RPE65: variants seen among roughly 807,000 people sequenced by gnomAD.
The protein encoded by RPE65 is retinoid isomerohydrolase.
RPE65 carries 58 observed loss-of-function variants against 68.5 expected under a neutral mutation model. The observed-to-expected ratio is 0.85, with a 90% CI of 0.69 to 1.05. The LOEUF is 1.05. Among genes scored for constraint, RPE65 ranks in the 50% least tolerant of loss-of-function variants. The probability of loss-of-function intolerance (pLI) is 0.00; values close to 1 mark genes in which losing one functional copy is unlikely to be tolerated. For synonymous variants in RPE65, 220 were observed against 222.2 expected (o/e 0.99, Z 0.09); for missense variants, 643 against 629.9 (o/e 1.02, Z -0.22).
Position 68,438,178 on chromosome 1 carries a change from G to C in RPE65, c.1128+9C>G, listed in dbSNP as rs1557599332. ...GGTTAAATCTGAAATCTACAGAGAA[G>C]CAGGTTACCTTGTCAATATTCAAAG... On this transcript the variant is annotated intron_variant, in intron 10 of 13. Transcript: ENST00000262340. 6.2e-7 allele frequency: 1 copy of C among 1,613,622 alleles called. No homozygotes were observed. Among genetic ancestry groups the C allele is most frequent in the East Asian group, 2.2e-5 (1 of 44,848 alleles).
intron 10 of RPE65, among the ~76,000 whole-genome samples, chr1:68,434,719 CTGTTTGTT>C (rs56001963): frequency 6.6e-5 from 10 of 151,302 alleles, no homozygotes; most frequent in Middle Eastern, 3.2e-3. Flanking sequence ...ATTAGATTTC[CTGTTTGTT>C]TGTTTGTTTG....
chr1:68,431,940 T>C (rs1645830142), intron 10 of RPE65, among the ~76,000 whole-genome samples: 1 of 151,892 alleles, frequency 6.6e-6, no homozygotes, highest in African/African-American at 2.4e-5. Context: ...TAATAATTAA[T>C]GTTTTTCTGC....
Position 68,431,139 on chromosome 1 carries a change from A to G in RPE65, c.1376T>C (p.Val459Ala), listed in dbSNP as rs539205642. ...TGGGTATGAATCAGGCTCTTGCCAA[A>G]CCCAAGTTTCTTTAGTTTTGACATT... The part of the protein sequence containing the change: ...KLNVKTKETW[V>A]WQEPDSYPSE... Residue 459 changes from valine (V) to alanine (A), a missense_variant, in exon 13 of 14, where the codon GTT (valine) becomes GCT (alanine). By Grantham distance (64) the Val-to-Ala change is moderately conservative. Transcript: ENST00000262340. The G allele has an allele frequency of 1.2e-6, 2 of 1,613,810 alleles. No homozygotes were observed. Among genetic ancestry groups the G allele is most frequent in the South Asian group, 2.2e-5 (2 of 91,076 alleles).
chr1:68,447,411 G>T (rs3118424), intron 2 of RPE65, among the ~76,000 whole-genome samples: 1,658 of 152,278 alleles, frequency 0.011, 31 homozygotes, highest in African/African-American at 0.036. Flanking sequence ...ATCTGCTGTA[G>T]CAGAAAGTCC....
At chr1:68,449,458 T>C (rs545954047) in intron 1 of RPE65, among the ~76,000 whole-genome samples, 1 of 152,198 alleles carries the variant, frequency 6.6e-6, no homozygotes, top group South Asian at 2.1e-4. Context: ...ACTAAACAAT[T>C]ACTATGTCCT....
In RPE65 at chr1:68,446,747, A is replaced by C. The variant is rs1645945392; in HGVS notation, c.208T>G (p.Phe70Val). Residue 70 changes from phenylalanine (F) to valine (V), a missense_variant, in exon 3 of 14, where the codon TTT becomes GTT. Phe to Val is a conservative substitution (Grantham distance 50, BLOSUM62 -1). Transcript: ENST00000262340. ...LFDGQALLHKFDFKEGHVTYH... is the reference protein window; with the variant it reads ...LFDGQALLHKVDFKEGHVTYH... ...GTGACATGTCCTTCTTTAAAGTCAA[A>C]CTTGTGCAGGAGGGCTTGCCCATCA... is the stretch of plus-strand genomic sequence containing the variant. 2 of 1,613,980 alleles carry C rather than the reference A, an allele frequency of 1.2e-6. No individual in the cohort carries two copies. Among genetic ancestry groups the C allele is most frequent in the Non-Finnish European group, 1.7e-6 (2 of 1,180,036 alleles).
intron 6 of RPE65, among the ~76,000 whole-genome samples, chr1:68,440,086 T>C (rs1645889330): frequency 6.6e-6 from 1 of 152,224 alleles, no homozygotes; most frequent in Admixed American, 6.5e-5. Flanking sequence ...TGAATGGTCC[T>C]CAAACTTTAG....
rs546259571 is a variant in RPE65, at chr1:68,431,551, T to C, written c.1163A>G (p.Asn388Ser). Residue 388 changes from asparagine (N) to serine (S), a missense_variant, in exon 11 of 14, where the codon AAT (asparagine) becomes AGT (serine). By Grantham distance (46) the Asn-to-Ser change is conservative. Transcript: ENST00000262340. The stretch of plus-strand genomic sequence containing the variant: ...GCACAGAATTGCAGTGGCAGTTGTA[T>C]TGGGGAGCGTGACTAAATTCTTGCC... ...DTGKNLVTLP[N>S]TTATAILCSD... 1 of 1,613,880 alleles carries C rather than the reference T, an allele frequency of 6.2e-7. No individual in the cohort carries two copies. Among genetic ancestry groups the C allele is most frequent in the Non-Finnish European group, 8.5e-7 (1 of 1,179,876 alleles).
At position 68,441,944 on chromosome 1, in the gene RPE65, G is replaced by A. The variant is rs150875558; in HGVS notation, c.496-944C>T. 1.1e-3 allele frequency among the ~76,000 whole-genome samples: 161 copies of A among 152,222 alleles called. 1 individual carries two copies. The highest frequency in any genetic ancestry group is 3.9e-3 in the African/African-American group (160 of 41,546). ...TGCCAGGCACTGTATCAGGGCTCAG[G>A]AGAGAGAAGATCTTTGCTTTCAAGA... On this transcript the variant is annotated intron_variant, in intron 5 of 13. Coordinates refer to ENST00000262340, the MANE Select transcript of RPE65 (RefSeq NM_000329.3).
intron 2 of RPE65, among the ~76,000 whole-genome samples, chr1:68,447,857 A>AAAACAAAC: frequency 6.6e-6 from 1 of 152,156 alleles, no homozygotes; most frequent in Non-Finnish European, 1.5e-5. Flanking sequence ...CTCAAAAAAC[A>AAAACAAAC]AAACAAACAA....
chr1:68,449,870 A>T (rs763510899), intron 1 of RPE65, 25 bp downstream of exon 1: 9 of 1,612,740 alleles, frequency 5.6e-6, no homozygotes, highest in African/African-American at 1.3e-5. Context: ...AAGGTGTTTT[A>T]AAAAAGTCTC....
chr1:68,436,727 C>A (rs1645866012), intron 10 of RPE65, among the ~76,000 whole-genome samples: 1 of 152,086 alleles, frequency 6.6e-6, no homozygotes, highest in Non-Finnish European at 1.5e-5. Flanking sequence ...CTCGGCCTCC[C>A]AAACTGCTGG....
In RPE65 at chr1:68,443,143, C is replaced by T. The variant is rs553264911; in HGVS notation, c.495+1388G>A. On this transcript the variant is annotated intron_variant, in intron 5 of 13. Coordinates refer to ENST00000262340, the MANE Select transcript of RPE65 (RefSeq NM_000329.3). The stretch of plus-strand genomic sequence containing the variant: ...CAGTAGCTTCCCATTAGCTAAACAA[C>T]ATATTCCAAATGTATAGCCAATTAT... Among the ~76,000 whole-genome samples the T allele has an allele frequency of 3.2e-3, 482 of 152,330 alleles. 7 individuals carry two copies. The South Asian group carries it at 0.042, about 13-fold the overall frequency.
At chr1:68,445,064 T>C (rs535475439) in intron 3 of RPE65, among the ~76,000 whole-genome samples, 181 bp from the exon 4 acceptor site, 4 of 152,254 alleles carry the variant, frequency 2.6e-5, no homozygotes, top group Admixed American at 2.0e-4. Context: ...AGACACAATG[T>C]CCCTTGAGTT....
intron 10 of RPE65, among the ~76,000 whole-genome samples, chr1:68,437,468 T>C (rs1289091895): frequency 6.6e-6 from 1 of 152,200 alleles, no homozygotes; most frequent in East Asian, 1.9e-4. Flanking sequence ...CTACACCATA[T>C]CTAAGCCTTT....
chr1:68,441,242 T>TAC (rs1026750647), intron 5 of RPE65, among the ~76,000 whole-genome samples: 2 of 152,196 alleles, frequency 1.3e-5, no homozygotes, highest in Non-Finnish European at 2.9e-5. Context: ...ATGTATACCA[T>TAC]ACAGTGCTCT....
intron 2 of RPE65, among the ~76,000 whole-genome samples, chr1:68,447,461 T>G (rs190542253): frequency 6.6e-6 from 1 of 152,288 alleles, no homozygotes; most frequent in East Asian, 1.9e-4. Context: ...TGGTTTAGGA[T>G]CAGCTCACAT....
At chr1:68,438,835 T>C in intron 9 of RPE65, 107 bp downstream of exon 9, 1 of 1,381,778 alleles carries the variant, frequency 7.2e-7, no homozygotes, top group South Asian at 1.2e-5. Flanking sequence ...CTCACATAAC[T>C]CTTGCTGTTT....
chr1:68,444,908 A>C, intron 3 of RPE65, 25 bp from the exon 4 acceptor site: 1 of 1,606,724 alleles, frequency 6.2e-7, no homozygotes, highest in South Asian at 1.1e-5. Context: ...AACATAGGGA[A>C]GAGTATAGAC....
Sources: allele counts gnomAD v4.1 joint callset (sites outside exome capture counted in the v4.1 genomes callset), GRCh38; gene constraint gnomAD v4.1.1; transcripts MANE v1.5; gene names NCBI Gene and HGNC (gene_info 2026-07-23, HGNC 2026-07-21).